Variants in SERTM1 observed in about 807,000 individuals in gnomAD.
The protein encoded by SERTM1 is serine-rich and transmembrane domain-containing protein 1.
In SERTM1, 1 loss-of-function variant was observed where a neutral mutation model predicts 5.5. The ratio of observed to expected loss-of-function variants is 0.18; its 90% CI spans 0.06 to 0.86. SERTM1 has a LOEUF of 0.86. Ranked by LOEUF, SERTM1 falls within the 40% of genes least tolerant of loss-of-function variation. The pLI is 0.69. For synonymous variants in SERTM1, 52 were observed against 55.1 expected (o/e 0.94, Z 0.25); for missense variants, 91 against 122.4 (o/e 0.74, Z 1.21).
At chr13:36,674,756 C>T (rs1336355226) in intron 1 of SERTM1, among the ~76,000 whole-genome samples, 1 of 152,150 alleles carries the variant, frequency 6.6e-6, no homozygotes, top group Non-Finnish European at 1.5e-5. Flanking sequence ...CCTGCTAAGG[C>T]GCTGGAGAGT....
At chr13:36,692,968 A>T (rs2056788924) in intron 1 of SERTM1, among the ~76,000 whole-genome samples, 1 of 152,234 alleles carries the variant, frequency 6.6e-6, no homozygotes, top group Non-Finnish European at 1.5e-5. Context: ...GTCATGAGGA[A>T]CACACAAGAT....
chr13:36,676,011 C>T (rs1307106750), intron 1 of SERTM1, among the ~76,000 whole-genome samples: 2 of 152,140 alleles, frequency 1.3e-5, no homozygotes, highest in Non-Finnish European at 2.9e-5. Context: ...AGTCCATTCT[C>T]CCTTGCTGTT....
intron 1 of SERTM1, among the ~76,000 whole-genome samples, chr13:36,680,342 G>A (rs2056697006): frequency 6.6e-6 from 1 of 151,996 alleles, no homozygotes; most frequent in African/African-American, 2.4e-5. Flanking sequence ...TGTCGGTTTT[G>A]GCCTTACATT....
At chr13:36,686,256 G>C (rs1232043907) in intron 1 of SERTM1, among the ~76,000 whole-genome samples, 1 of 152,176 alleles carries the variant, frequency 6.6e-6, no homozygotes, top group African/African-American at 2.4e-5. Context: ...GGCTTACTGG[G>C]CATCATGAGC....
In SERTM1 at chr13:36,695,416, G is replaced by C. The variant is rs760542863; in HGVS notation, c.*14G>C. ...CTTTCATCCTGAGGAAAATGGAAGA[G>C]TCCTTGAGTGTGGCAGCAGTTTTGA... On this transcript the variant is annotated 3_prime_UTR_variant, in exon 2 of 2. Coordinates refer to ENST00000315190, the MANE Select transcript of SERTM1 (RefSeq NM_203451.3). 6.3e-7 allele frequency: 1 copy of C among 1,595,668 alleles called. No individual in the cohort carries two copies. Among genetic ancestry groups the C allele is most frequent in the South Asian group, 1.1e-5 (1 of 89,500 alleles).
At position 36,690,395 on chromosome 13, in the gene SERTM1, G is replaced by C. The variant is rs954380341; in HGVS notation, c.-173-4511G>C. Among the ~76,000 whole-genome samples, 6 of 152,190 alleles carry C rather than the reference G, an allele frequency of 3.9e-5. No individual in the cohort carries two copies. In the South Asian group the frequency reaches 1.0e-3, roughly 26 times the overall value. On this transcript the variant is annotated intron_variant, in intron 1 of 1. Transcript: ENST00000315190. Reference sequence around the variant, plus strand: ...AGTCAGCTTTGAGTAAGGGTAGCACGTAAGATAGTAAACTTTATTTCTATT... The same window carrying C: ...AGTCAGCTTTGAGTAAGGGTAGCACCTAAGATAGTAAACTTTATTTCTATT...
chr13:36,682,734 T>A (rs546633877), intron 1 of SERTM1, among the ~76,000 whole-genome samples: 26 of 152,136 alleles, frequency 1.7e-4, no homozygotes, highest in African/African-American at 5.3e-4. Context: ...ATAAGAGAAG[T>A]CTTAGATTTC....
chr13:36,690,801 T>G (rs756923275), intron 1 of SERTM1, among the ~76,000 whole-genome samples: 32 of 152,332 alleles, frequency 2.1e-4, no homozygotes, highest in Middle Eastern at 3.4e-3. Flanking sequence ...AAAAAGCTTT[T>G]TATTATGTTG....
intron 1 of SERTM1, among the ~76,000 whole-genome samples, chr13:36,693,826 C>T (rs2056794953): frequency 6.6e-6 from 1 of 152,184 alleles, no homozygotes; most frequent in South Asian, 2.1e-4. Context: ...GCAAAATTAT[C>T]TAGAGCCATA....
intron 1 of SERTM1, among the ~76,000 whole-genome samples, chr13:36,680,171 G>A (rs2138085344): frequency 6.6e-6 from 1 of 152,266 alleles, no homozygotes. Context: ...TCTCCTCAAG[G>A]CAAAACTGTC....
intron 1 of SERTM1, among the ~76,000 whole-genome samples, chr13:36,678,342 A>T (rs1222346148): frequency 6.6e-6 from 1 of 152,222 alleles, no homozygotes; most frequent in Non-Finnish European, 1.5e-5. Flanking sequence ...ATATGTGTGT[A>T]TAATAGTAGT....
At chr13:36,689,327 G>A (rs990056816) in intron 1 of SERTM1, among the ~76,000 whole-genome samples, 56 of 151,928 alleles carry the variant, frequency 3.7e-4, no homozygotes, top group African/African-American at 1.1e-3. Context: ...CCAACATGAC[G>A]AAACCCCATC....
chr13:36,694,163 G>A (rs927749005), intron 1 of SERTM1, among the ~76,000 whole-genome samples: 2 of 152,198 alleles, frequency 1.3e-5, no homozygotes, highest in Admixed American at 6.5e-5. Flanking sequence ...GAAAAGTGAT[G>A]CTCAGAAAAC....
At chr13:36,686,077 T>A (rs1425104844) in intron 1 of SERTM1, among the ~76,000 whole-genome samples, 1 of 152,170 alleles carries the variant, frequency 6.6e-6, no homozygotes, top group Admixed American at 6.5e-5. Flanking sequence ...GAGGCCCAGA[T>A]GAGATTCAGT....
At chr13:36,691,489 G>A (rs376196993) in intron 1 of SERTM1, among the ~76,000 whole-genome samples, 1 of 152,076 alleles carries the variant, frequency 6.6e-6, no homozygotes, top group Non-Finnish European at 1.5e-5. Flanking sequence ...CCCAGCCCAG[G>A]CTTTTATTAC....
rs2056802666 is a variant in SERTM1, at chr13:36,694,893, T to TC, written c.-173-13_-173-12insC. 4.6e-6 allele frequency: 2 copies of TC among 435,322 alleles called. No individual in the cohort carries two copies. Among genetic ancestry groups the TC allele is most frequent in the Non-Finnish European group, 8.2e-6 (2 of 244,292 alleles). The allele number at this position is 435,322 out of a possible 1,614,324, so 27.0% of individuals were successfully genotyped here. On this transcript the variant is annotated splice_polypyrimidine_tract_variant and intron_variant, in intron 1 of 1. Transcript: ENST00000315190. ...TTTTCTGAAGAATGCACTGACTTGC[T>TC]TTTTTTTTTCAGTCTCAATGCACAT...
intron 1 of SERTM1, among the ~76,000 whole-genome samples, chr13:36,679,934 G>A (rs891448888): frequency 1.3e-5 from 2 of 151,690 alleles, no homozygotes; most frequent in Non-Finnish European, 2.9e-5. Flanking sequence ...TTTGTTTCAT[G>A]CAAAAAAAAA....
At chr13:36,682,730 G>A (rs1325741004) in intron 1 of SERTM1, among the ~76,000 whole-genome samples, 2 of 152,132 alleles carry the variant, frequency 1.3e-5, no homozygotes, top group African/African-American at 4.8e-5. Context: ...CCATATAAGA[G>A]AAGTCTTAGA....
At chr13:36,676,121 AT>A (rs1485871058) in intron 1 of SERTM1, among the ~76,000 whole-genome samples, 1 of 152,160 alleles carries the variant, frequency 6.6e-6, no homozygotes, top group East Asian at 1.9e-4. Context: ...GTGGCATCAA[AT>A]CCACGAGAGA....
Sources: allele counts gnomAD v4.1 joint callset (sites outside exome capture counted in the v4.1 genomes callset), GRCh38; gene constraint gnomAD v4.1.1; transcripts MANE v1.5; gene names NCBI Gene and HGNC (gene_info 2026-07-23, HGNC 2026-07-21).